The following SNTB1 variants were observed in gnomAD, a reference collection of about 807,000 sequenced individuals.
The protein encoded by SNTB1 is syntrophin beta 1, also known as beta-1-syntrophin.
Under a neutral mutation model 48.9 loss-of-function variants are expected in SNTB1, and 36 were observed. The observed-to-expected ratio is 0.74, with a 90% CI of 0.56 to 0.97. SNTB1 has a LOEUF of 0.97. Ranked by LOEUF, SNTB1 falls within the 50% of genes least tolerant of loss-of-function variation. The pLI is 0.00. For synonymous variants in SNTB1, 299 were observed against 294.6 expected (o/e 1.01, Z -0.15); for missense variants, 786 against 703.4 (o/e 1.12, Z -1.33).
chr8:120,665,825 C>T (rs974668273), intron 2 of SNTB1, among the ~76,000 whole-genome samples: 2 of 152,106 alleles, frequency 1.3e-5, no homozygotes, highest in African/African-American at 4.8e-5. Flanking sequence ...GCTTAAAATA[C>T]TATTTTTCTT....
intron 1 of SNTB1, among the ~76,000 whole-genome samples, chr8:120,794,995 A>G (rs775240744): frequency 1.5e-4 from 23 of 152,214 alleles, no homozygotes; most frequent in Non-Finnish European, 3.1e-4. Context: ...TAATTTTGAA[A>G]GTCACATAAA....
chr8:120,811,936 A>T lies in SNTB1; in HGVS notation c.-93T>A. The T allele has an allele frequency of 7.8e-7, 1 of 1,278,194 alleles. No homozygotes were observed. Among genetic ancestry groups the T allele is most frequent in the Admixed American group, 4.3e-5 (1 of 23,488 alleles). 79.2% of individuals were successfully genotyped at this position (1,278,194 alleles called of 1,614,324 possible). ...GGAGGACGCGGGGCCCGGGGGAGCG[A>T]GGAGAGTGCGTCCCGCGGGGAGGTG... On this transcript the variant is annotated 5_prime_UTR_variant, in exon 1 of 7. Transcript: ENST00000517992.
chr8:120,811,556 G>T lies in SNTB1; in HGVS notation c.288C>A (p.Thr96=). The T allele has an allele frequency of 6.3e-7, 1 of 1,590,332 alleles. No homozygotes were observed. The highest frequency in any genetic ancestry group is 1.1e-5 in the South Asian group (1 of 88,500). Residue 96 remains threonine (T), a synonymous_variant, in exon 1 of 7, where the codon ACC becomes ACA. Coordinates refer to ENST00000517992, the MANE Select transcript of SNTB1 (RefSeq NM_021021.4). ...ACTCGGGCACCTGCTCGGGCAGGTCGGTGAAAGCGGTGCGGACCCCGGCGG... is the reference window on the plus strand; with the variant it reads ...ACTCGGGCACCTGCTCGGGCAGGTCTGTGAAAGCGGTGCGGACCCCGGCGG... The part of the protein sequence containing the change: ...DSPAGVRTAF[T]DLPEQVPESI...
chr8:120,584,027 C>T (rs1816092211), intron 3 of SNTB1, among the ~76,000 whole-genome samples: 1 of 152,168 alleles, frequency 6.6e-6, no homozygotes, highest in Admixed American at 6.5e-5. Context: ...TAAAAACACT[C>T]AGCAGGTCTG....
intron 4 of SNTB1, among the ~76,000 whole-genome samples, chr8:120,557,299 T>A (rs1373714883): frequency 2.6e-5 from 4 of 152,194 alleles, no homozygotes; most frequent in African/African-American, 9.7e-5. Flanking sequence ...CAAAAGCCCG[T>A]GTTTCCATCA....
intron 1 of SNTB1, among the ~76,000 whole-genome samples, chr8:120,766,968 C>A (rs993390297): frequency 6.6e-6 from 1 of 151,862 alleles, no homozygotes; most frequent in African/African-American, 2.4e-5. Flanking sequence ...AATGATTATC[C>A]CAGAGTTTTT....
chr8:120,681,171 T>A (rs1817924292), intron 2 of SNTB1, among the ~76,000 whole-genome samples: 1 of 152,202 alleles, frequency 6.6e-6, no homozygotes, highest in Admixed American at 6.5e-5. Flanking sequence ...TTAAGCTCAT[T>A]AAAATGAATC....
At chr8:120,689,391 A>G (rs571110858) in intron 2 of SNTB1, among the ~76,000 whole-genome samples, 1 of 152,266 alleles carries the variant, frequency 6.6e-6, no homozygotes, top group African/African-American at 2.4e-5. Flanking sequence ...TGATTCAGAA[A>G]TTGGGCTTGG....
intron 3 of SNTB1, among the ~76,000 whole-genome samples, chr8:120,587,142 A>T (rs1816157049): frequency 1.3e-5 from 2 of 152,172 alleles, no homozygotes; most frequent in Admixed American, 6.5e-5. Context: ...AATCGCTTGA[A>T]TCCAGGAGGT....
intron 1 of SNTB1, among the ~76,000 whole-genome samples, chr8:120,738,454 G>C (rs1818984906): frequency 6.6e-6 from 1 of 152,098 alleles, no homozygotes; most frequent in Admixed American, 6.6e-5. Flanking sequence ...TAGGGTAAGA[G>C]TTATTATTAT....
At chr8:120,612,702 C>T (rs201539040) in intron 3 of SNTB1, among the ~76,000 whole-genome samples, 1 of 152,148 alleles carries the variant, frequency 6.6e-6, no homozygotes, top group East Asian at 1.9e-4. Context: ...TACAGGTGCA[C>T]ACCACCATGC....
At position 120,744,121 on chromosome 8, in the gene SNTB1, A is replaced by ATTTTTTTTTT. The variant is rs35604534; in HGVS notation, c.572-50223_572-50214dup. ...CTCAAGCCTGGGTGACCCTGTCTCA[A>ATTTTTTTTTT]TTTTTTTTTTTTTTTGCAAGGGAAT... On this transcript the variant is annotated intron_variant, in intron 1 of 6. Transcript: ENST00000517992. Among the ~76,000 whole-genome samples the ATTTTTTTTTT allele has an allele frequency of 8.8e-5, 12 of 136,152 alleles. 2 individuals are homozygous for ATTTTTTTTTT. Among genetic ancestry groups the ATTTTTTTTTT allele is most frequent in the South Asian group, 7.7e-4 (3 of 3,900 alleles). The allele number at this position is 136,152 out of a possible 152,430, so 89.3% of individuals were successfully genotyped here.
At chr8:120,664,480 A>C (rs1260303595) in intron 2 of SNTB1, among the ~76,000 whole-genome samples, 1 of 152,190 alleles carries the variant, frequency 6.6e-6, no homozygotes, top group Non-Finnish European at 1.5e-5. Flanking sequence ...TTCTCTCATT[A>C]TAAGATTAGT....
chr8:120,721,383 T>C (rs1818656017), intron 1 of SNTB1, among the ~76,000 whole-genome samples: 1 of 152,178 alleles, frequency 6.6e-6, no homozygotes, highest in African/African-American at 2.4e-5. Context: ...ATTTAGCTAA[T>C]TGCAGGGGCA....
At chr8:120,608,698 GGATAGAGACGAC>G (rs1300466306) in intron 3 of SNTB1, among the ~76,000 whole-genome samples, 14 of 152,098 alleles carry the variant, frequency 9.2e-5, no homozygotes, top group African/African-American at 3.4e-4. Context: ...TACAATAAAA[GGATAGAGACGAC>G]ACTAGAAATC....
At chr8:120,571,155 G>A (rs1815835519) in intron 4 of SNTB1, 1 of 1,183,384 alleles carries the variant, frequency 8.5e-7, no homozygotes. Context: ...GTGAGAACAA[G>A]GCTATGTACG....
chr8:120,744,625 A>G (rs73323132), intron 1 of SNTB1, among the ~76,000 whole-genome samples: 19,995 of 152,072 alleles, frequency 0.13, 1,719 homozygotes, highest in African/African-American at 0.24. Flanking sequence ...TTAATATTTT[A>G]TTATTTTTTA....
chr8:120,591,907 A>AGATGAT (rs995149149), intron 3 of SNTB1, among the ~76,000 whole-genome samples: 3 of 152,248 alleles, frequency 2.0e-5, no homozygotes, highest in South Asian at 4.1e-4. Context: ...GCTCAGTTAA[A>AGATGAT]GATGATGATG....
At chr8:120,650,423 T>C (rs1817393728) in intron 2 of SNTB1, among the ~76,000 whole-genome samples, 1 of 152,190 alleles carries the variant, frequency 6.6e-6, no homozygotes, top group African/African-American at 2.4e-5. Flanking sequence ...CAATTATTTG[T>C]GCACTGAGTA....
Sources: gnomAD v4.1 joint callset for allele counts (sites outside exome capture counted in the v4.1 genomes callset) on GRCh38, gnomAD v4.1.1 for gene constraint, MANE v1.5 for transcripts, NCBI Gene and HGNC (gene_info 2026-07-23, HGNC 2026-07-21) for gene names.